Variants in TTC5 observed in about 807,000 individuals in gnomAD.
TTC5 encodes the protein tetratricopeptide repeat protein 5.
A neutral mutation model predicts 57.4 loss-of-function variants in TTC5; 46 were observed. That is an observed-to-expected ratio of 0.80 (90% CI 0.63 to 1.03). The LOEUF is 1.03. Among genes scored for constraint, TTC5 ranks in the 50% least tolerant of loss-of-function variants. The pLI is 0.00. For missense variants in TTC5, 504 were observed against 528.1 expected, an observed-to-expected ratio of 0.95 and a Z score of 0.45; for synonymous variants, 190 against 203.5, an observed-to-expected ratio of 0.93 and a Z score of 0.57.
chr14:20,298,626 A>G (rs756124188), intron 5 of TTC5, among the ~76,000 whole-genome samples, 171 bp downstream of exon 5: 8 of 152,222 alleles, frequency 5.3e-5, no homozygotes, highest in Non-Finnish European at 1.2e-4. Context: ...CACTCAAGTT[A>G]TAAGAAGTCA....
intron 5 of TTC5, among the ~76,000 whole-genome samples, chr14:20,298,225 A>G (rs1234503871): frequency 6.6e-6 from 1 of 152,246 alleles, no homozygotes; most frequent in Non-Finnish European, 1.5e-5. Context: ...GGAAAGCCCT[A>G]TGCAAATGCC....
At position 20,289,535 on chromosome 14, in the gene TTC5, C is replaced by G. The variant is rs1409101449; in HGVS notation, c.*92G>C. The G allele has an allele frequency of 6.9e-7, 1 of 1,455,350 alleles. No individual in the cohort carries two copies. The highest frequency in any genetic ancestry group is 9.2e-7 in the Non-Finnish European group (1 of 1,083,016). The allele number at this position is 1,455,350 out of a possible 1,614,324, so 90.2% of individuals were successfully genotyped here. A position where few individuals can be genotyped will look rare whatever the true frequency, so the allele number is the denominator to read the frequency against. ...AAAGTCTTCATTTAAAACATTCCTCCCATCCCTGCTGAATCACTGGATGTG... is the reference window on the plus strand; with the variant it reads ...AAAGTCTTCATTTAAAACATTCCTCGCATCCCTGCTGAATCACTGGATGTG... On this transcript the variant is annotated 3_prime_UTR_variant, in exon 10 of 10. Coordinates refer to ENST00000258821, the MANE Select transcript of TTC5 (RefSeq NM_138376.3).
chr14:20,289,680 CCT>C lies in TTC5; in HGVS notation c.1268_1269del (p.Gln423ArgfsTer17). 6.2e-7 allele frequency: 1 copy of C among 1,613,894 alleles called. No homozygotes were observed. The highest frequency in any genetic ancestry group is 8.5e-7 in the Non-Finnish European group (1 of 1,179,860). On this transcript the variant is annotated frameshift_variant, in exon 10 of 10. Transcript: ENST00000258821. LOFTEE classifies it high-confidence loss of function. ...PLLLVVNGKP[Q>X]GSSSQAVATV... ...GTGGCAACAGCCTGGCTGCTGGATC[CCT>C]GAGGCTTCCCATTCACCACTAGCAG...
rs1416192709 is a variant in TTC5 at position 20,299,400 on chromosome 14, G to A, written c.445C>T (p.Leu149=). The change falls in exon 4 of 10, where the codon CTG becomes TTG. Residue 149 remains leucine (L), a synonymous_variant. Coordinates refer to ENST00000258821, the MANE Select transcript of TTC5 (RefSeq NM_138376.3). Reference sequence around the variant, plus strand: ...TGTTCATCTTCAGTGTCAGTCCGCAGCTGACGAAGCACCATTGACAGGTTT... The same window carrying A: ...TGTTCATCTTCAGTGTCAGTCCGCAACTGACGAAGCACCATTGACAGGTTT... ...LQNLSMVLRQ[L]RTDTEDEHSH... 1.9e-6 allele frequency: 3 copies of A among 1,614,072 alleles called. No homozygotes were observed. Among genetic ancestry groups the A allele is most frequent in the Non-Finnish European group, 2.5e-6 (3 of 1,179,998 alleles).
Position 20,286,530 on chromosome 14 carries a change from T to C in TTC5, c.*3097A>G, listed in dbSNP as rs755248192. On this transcript the variant is annotated 3_prime_UTR_variant, in exon 10 of 10. Transcript: ENST00000258821. ...TAATAAAAGGTGCTGGGCTATTTAC[T>C]CATTATGAAAAAAATTATATCCGTA... 6.6e-6 allele frequency: 1 copy of C among 151,962 alleles called. No homozygotes were observed. The highest frequency in any genetic ancestry group is 1.5e-5 in the Non-Finnish European group (1 of 67,980). 9.4% of individuals were successfully genotyped at this position (151,962 alleles called of 1,614,324 possible). A position where few individuals can be genotyped will look rare whatever the true frequency, so the allele number is the denominator to read the frequency against.
At chr14:20,299,845 C>T (rs1882146270) in intron 3 of TTC5, among the ~76,000 whole-genome samples, 2 of 150,996 alleles carry the variant, frequency 1.3e-5, no homozygotes, top group Admixed American at 1.3e-4. Context: ...AGCCACCACG[C>T]CTGGCCGTAT....
intron 2 of TTC5, 82 bp from the exon 3 acceptor site, chr14:20,300,900 CA>C (rs1245117584): frequency 9.2e-7 from 1 of 1,083,730 alleles, no homozygotes; most frequent in Non-Finnish European, 1.3e-6. Flanking sequence ...AACTACACGT[CA>C]GTTTTAGGAA....
Position 20,288,235 on chromosome 14 carries a change from A to G in TTC5, c.*1392T>C, listed in dbSNP as rs1004376962. 1 of 152,238 alleles carries G rather than the reference A, an allele frequency of 6.6e-6. No individual in the cohort carries two copies. Among genetic ancestry groups the G allele is most frequent in the African/African-American group, 2.4e-5 (1 of 41,466 alleles). The allele number at this position is 152,238 out of a possible 1,614,324, so 9.4% of individuals were successfully genotyped here. The stretch of plus-strand genomic sequence containing the variant: ...TAGATAGATAAAACTTCTCTCATCA[A>G]TGCATTTCTACCATCCATTCTCTGA... On this transcript the variant is annotated 3_prime_UTR_variant, in exon 10 of 10. Coordinates refer to ENST00000258821, the MANE Select transcript of TTC5 (RefSeq NM_138376.3).
At chr14:20,299,154 A>T in intron 4 of TTC5, 144 bp downstream of exon 4, 1 of 923,436 alleles carries the variant, frequency 1.1e-6, no homozygotes, top group Non-Finnish European at 1.6e-6. Flanking sequence ...TAGTTCCCCA[A>T]AATGTCTTTC....
At position 20,292,026 on chromosome 14, in the gene TTC5, G is replaced by A; in HGVS notation, c.1160C>T (p.Pro387Leu). The A allele has an allele frequency of 6.3e-7, 1 of 1,590,128 alleles. No individual in the cohort carries two copies. The highest frequency in any genetic ancestry group is 8.6e-7 in the Non-Finnish European group (1 of 1,168,180). Reference protein sequence around the residue: ...GVLIGDSVAIPEPNLRLHRIQ... With the variant: ...GVLIGDSVAILEPNLRLHRIQ... ...TCGGTGAAGCCGCAGGTTGGGCTCAGGAATGGCTACAGAGTCTCCAATGAG... is the reference window on the plus strand; with the variant it reads ...TCGGTGAAGCCGCAGGTTGGGCTCAAGAATGGCTACAGAGTCTCCAATGAG... Residue 387 changes from proline to leucine, a missense_variant, in exon 9 of 10, where the codon CCT becomes CTT. Coordinates refer to ENST00000258821, the MANE Select transcript of TTC5 (RefSeq NM_138376.3).
At chr14:20,305,715 A>C (rs1882277125) in intron 1 of TTC5, 172 bp downstream of exon 1, 2 of 661,110 alleles carry the variant, frequency 3.0e-6, no homozygotes, top group Admixed American at 4.9e-5. Flanking sequence ...AGGAGGTTCC[A>C]ACGAGGCTCC....
Position 20,289,291 on chromosome 14 carries a change from G to T in TTC5, c.*336C>A, listed in dbSNP as rs766074248. On this transcript the variant is annotated 3_prime_UTR_variant, in exon 10 of 10. Transcript: ENST00000258821. ...ATACTGAACTGATATATACATATGA[G>T]GCTTAGGAAGGAGGCAACAACAGGA... The T allele has an allele frequency of 5.2e-6, 1 of 192,244 alleles. No homozygotes were observed. Among genetic ancestry groups the T allele is most frequent in the Non-Finnish European group, 1.1e-5 (1 of 93,612 alleles). The allele number at this position is 192,244 out of a possible 1,614,324, so 11.9% of individuals were successfully genotyped here. A position where few individuals can be genotyped will look rare whatever the true frequency, so the allele number is the denominator to read the frequency against.
chr14:20,302,112 C>T (rs539119826), intron 1 of TTC5, 147 bp from the exon 2 acceptor site: 1 of 869,116 alleles, frequency 1.2e-6, no homozygotes, highest in South Asian at 1.7e-5. Context: ...GACAGGTTTA[C>T]TAAAATGCCA....
At position 20,289,640 on chromosome 14, in the gene TTC5, G is replaced by A; in HGVS notation, c.1310C>T (p.Pro437Leu). The A allele has an allele frequency of 6.2e-7, 1 of 1,613,234 alleles. No homozygotes were observed. The highest frequency in any genetic ancestry group is 1.1e-5 in the South Asian group (1 of 90,972). ...SQAVATVASRPQCE is the reference protein window; with the variant it reads ...SQAVATVASRLQCE ...GCAAGTCAAAGGTCATTCACACTGTGGTCGCGATGCCACTGTGGCAACAGC... is the reference window on the plus strand; with the variant it reads ...GCAAGTCAAAGGTCATTCACACTGTAGTCGCGATGCCACTGTGGCAACAGC... The change falls in exon 10 of 10, where the codon CCA becomes CTA. Residue 437 changes from proline to leucine, a missense_variant. Transcript: ENST00000258821.
intron 8 of TTC5, chr14:20,293,050 A>G (rs777775467): frequency 6.6e-6 from 1 of 152,206 alleles, no homozygotes; most frequent in Non-Finnish European, 1.5e-5. Flanking sequence ...TGTACATTTC[A>G]TTGTATGTAA....
chr14:20,300,143 G>GTATATATATATATATATA lies in TTC5; in HGVS notation c.396+463_396+464insTATATATATATATATATA, dbSNP rs1555311668. 2.0e-3 allele frequency among the ~76,000 whole-genome samples: 53 copies of GTATATATATATATATATA among 27,146 alleles called. 1 individual carries two copies. The highest frequency in any genetic ancestry group is 3.7e-3 in the African/African-American group (34 of 9,196). 17.8% of individuals were successfully genotyped at this position (27,146 alleles called of 152,430 possible). A position where few individuals can be genotyped will look rare whatever the true frequency, so the allele number is the denominator to read the frequency against. On this transcript the variant is annotated intron_variant, in intron 3 of 9. Transcript: ENST00000258821. Reference sequence around the variant, plus strand: ...GCATGAGTCACCACGTCTGGTCCATGTATATATATATATTTTTTTTTTTTT... The same window carrying GTATATATATATATATATA: ...GCATGAGTCACCACGTCTGGTCCATGTATATATATATATATATATATATATATATATTTTTTTTTTTTT...
At chr14:20,303,399 A>G (rs147781762) in intron 1 of TTC5, among the ~76,000 whole-genome samples, 1,986 of 152,250 alleles carry the variant, frequency 0.013, 38 homozygotes, top group African/African-American at 0.045. Context: ...AATCCAAAAA[A>G]CTTCGAGTCC....
At chr14:20,299,952 C>T (rs1227027959) in intron 3 of TTC5, among the ~76,000 whole-genome samples, 1 of 151,480 alleles carries the variant, frequency 6.6e-6, no homozygotes, top group Non-Finnish European at 1.5e-5. Flanking sequence ...GATTCTTGTG[C>T]CTTGGCCTCC....
intron 1 of TTC5, chr14:20,305,587 C>G (rs929509952): frequency 8.0e-6 from 4 of 498,600 alleles, no homozygotes; most frequent in African/African-American, 1.9e-5. Context: ...CATGTATATG[C>G]TATTCGCTAT....
Sources: gnomAD v4.1 joint callset for allele counts (sites outside exome capture counted in the v4.1 genomes callset) on GRCh38, gnomAD v4.1.1 for gene constraint, MANE v1.5 for transcripts, NCBI Gene and HGNC (gene_info 2026-07-23, HGNC 2026-07-21) for gene names.